The following CHD6 variants were observed in gnomAD, a reference collection of about 807,000 sequenced individuals.
CHD6 encodes ATP-dependent chromatin remodeler CHD6.
Under a neutral mutation model 276.9 loss-of-function variants are expected in CHD6, and 50 were observed. The ratio of observed to expected loss-of-function variants is 0.18; its 90% CI spans 0.14 to 0.23. The LOEUF is 0.23. Ranked by LOEUF, CHD6 falls within the 10% of genes least tolerant of loss-of-function variation. The probability of loss-of-function intolerance (pLI) is 1.00; values close to 1 mark genes in which losing one functional copy is unlikely to be tolerated. For missense variants in CHD6, 2,564 were observed against 3,365.8 expected (o/e 0.76, Z 5.89); for synonymous variants, 1,173 against 1,229.3 (o/e 0.95, Z 0.96).
At chr20:41,437,949 C>G (rs2047768517) in intron 26 of CHD6, among the ~76,000 whole-genome samples, 1 of 152,190 alleles carries the variant, frequency 6.6e-6, no homozygotes, top group East Asian at 1.9e-4. Context: ...AGGCTCCAGC[C>G]TCACGTCTAC....
At chr20:41,602,301 T>C (rs1294923989) in intron 1 of CHD6, among the ~76,000 whole-genome samples, 2 of 152,302 alleles carry the variant, frequency 1.3e-5, no homozygotes, top group East Asian at 3.9e-4. Flanking sequence ...CCTCTCTCTT[T>C]CTTCCTGGCA....
intron 5 of CHD6, among the ~76,000 whole-genome samples, chr20:41,509,309 T>C: frequency 6.6e-6 from 1 of 152,160 alleles, no homozygotes; most frequent in East Asian, 1.9e-4. Context: ...AATTTTAGTT[T>C]ATTGAAACTC....
intron 1 of CHD6, among the ~76,000 whole-genome samples, chr20:41,577,475 A>G (rs991002524): frequency 7.2e-5 from 11 of 152,130 alleles, no homozygotes; most frequent in Non-Finnish European, 1.5e-4. Context: ...CTCCTATAGA[A>G]TCTGGGGGCT....
At chr20:41,509,506 C>T (rs950563902) in intron 5 of CHD6, among the ~76,000 whole-genome samples, 2 of 152,024 alleles carry the variant, frequency 1.3e-5, no homozygotes, top group African/African-American at 2.4e-5. Context: ...AAGGAACTTT[C>T]GGGAGGAGGA....
intron 1 of CHD6, among the ~76,000 whole-genome samples, chr20:41,568,245 T>C (rs1438336132): frequency 1.3e-5 from 2 of 152,222 alleles, no homozygotes; most frequent in African/African-American, 4.8e-5. Flanking sequence ...TCTTGAGGGA[T>C]ATAACCGTAC....
chr20:41,523,844 G>A (rs6102448), intron 3 of CHD6, among the ~76,000 whole-genome samples: 55,671 of 151,966 alleles, frequency 0.37, 12,914 homozygotes, highest in African/African-American at 0.64. Context: ...GTACTACTAT[G>A]AATCTTTTAT....
chr20:41,559,638 G>T (rs1458779655), intron 1 of CHD6, among the ~76,000 whole-genome samples: 1 of 152,012 alleles, frequency 6.6e-6, no homozygotes, highest in African/African-American at 2.4e-5. Context: ...AAATATCACT[G>T]TTCCCAGGGT....
At chr20:41,491,909 T>G in intron 10 of CHD6, 90 bp from the exon 11 acceptor site, 6 of 1,428,242 alleles carry the variant, frequency 4.2e-6, no homozygotes, top group Non-Finnish European at 4.9e-6. Flanking sequence ...TAAATCTCAC[T>G]GTCCCAAGGC....
chr20:41,591,522 C>G (rs2045660738), intron 1 of CHD6, among the ~76,000 whole-genome samples: 1 of 151,678 alleles, frequency 6.6e-6, no homozygotes. Context: ...GAAACTCCGT[C>G]TCTACTAAAA....
rs867188798 is a variant in CHD6 at position 41,471,660 on chromosome 20, C to T, written c.2664+1662G>A. ...ATGCCATTCTCCTGCCTTAGTCTCC[C>T]GAGTAGCTGGGATTACAGGCACCCA... On this transcript the variant is annotated intron_variant, in intron 17 of 36. Coordinates refer to ENST00000373233, the MANE Select transcript of CHD6 (RefSeq NM_032221.5). 9.2e-5 allele frequency among the ~76,000 whole-genome samples: 14 copies of T among 152,006 alleles called. No homozygotes were observed. The Middle Eastern group carries it at 0.014, about 148-fold the overall frequency.
At chr20:41,429,668 G>A (rs1349153199) in intron 27 of CHD6, among the ~76,000 whole-genome samples, 2 of 152,232 alleles carry the variant, frequency 1.3e-5, no homozygotes, top group Admixed American at 1.3e-4. Flanking sequence ...AAAAACAACA[G>A]TTTTGTTCTT....
intron 27 of CHD6, among the ~76,000 whole-genome samples, chr20:41,427,092 T>C (rs2047388260): frequency 6.6e-6 from 1 of 151,512 alleles, no homozygotes; most frequent in Admixed American, 6.6e-5. Context: ...TTTTAAAGGG[T>C]GAAAAAAAGG....
intron 1 of CHD6, among the ~76,000 whole-genome samples, chr20:41,593,213 G>C (rs947267354): frequency 2.1e-5 from 3 of 144,006 alleles, no homozygotes; most frequent in Non-Finnish European, 3.1e-5. Context: ...GGGGGGGGGG[G>C]GTTAAATAGT....
chr20:41,606,100 G>A (rs559454123), intron 1 of CHD6, among the ~76,000 whole-genome samples: 21 of 152,304 alleles, frequency 1.4e-4, no homozygotes, highest in Admixed American at 1.2e-3. Context: ...TATCTCGGCC[G>A]GGCGTAGTGG....
At chr20:41,485,752 A>G (rs969961876) in intron 14 of CHD6, 2 of 152,166 alleles carry the variant, frequency 1.3e-5, no homozygotes, top group African/African-American at 2.4e-5. Context: ...GACAAGTGGA[A>G]TAAGTTCAAG....
intron 3 of CHD6, 151 bp from the exon 4 acceptor site, chr20:41,515,103 C>A: frequency 1.3e-6 from 1 of 783,748 alleles, no homozygotes; most frequent in Non-Finnish European, 2.1e-6. Context: ...AAGAAATAAA[C>A]AGAAACATGG....
At chr20:41,484,119 G>A (rs2043358102) in intron 15 of CHD6, among the ~76,000 whole-genome samples, 1 of 152,204 alleles carries the variant, frequency 6.6e-6, no homozygotes, top group Non-Finnish European at 1.5e-5. Flanking sequence ...CATGCTGTGA[G>A]GCAGCTTGTT....
intron 1 of CHD6, among the ~76,000 whole-genome samples, chr20:41,581,625 G>A (rs539837192): frequency 2.7e-5 from 4 of 150,792 alleles, no homozygotes; most frequent in East Asian, 3.9e-4. Flanking sequence ...GCAGTGAGCC[G>A]AGATCATGCC....
chr20:41,423,481 A>C lies in CHD6; in HGVS notation c.4555+11T>G, dbSNP rs773985434. The stretch of plus-strand genomic sequence containing the variant: ...TTGTATCATCTGACAATATACTGAT[A>C]GTTTTCTCACCGCCATCTTTCCATG... On this transcript the variant is annotated intron_variant, in intron 30 of 36. Transcript: ENST00000373233. 6.2e-6 allele frequency: 10 copies of C among 1,610,764 alleles called. No individual in the cohort carries two copies. In the South Asian group the frequency reaches 1.1e-4, roughly 18 times the overall value.
Sources: gnomAD v4.1 joint callset for allele counts (sites outside exome capture counted in the v4.1 genomes callset) on GRCh38, gnomAD v4.1.1 for gene constraint, MANE v1.5 for transcripts, NCBI Gene and HGNC (gene_info 2026-07-23, HGNC 2026-07-21) for gene names.